TMEM108: variants seen among roughly 807,000 people sequenced by gnomAD.
The protein encoded by TMEM108 is transmembrane protein 108, also known as cancer/testis antigen 124.
In TMEM108, 12 loss-of-function variants were observed where a neutral mutation model predicts 35.1. The ratio of observed to expected loss-of-function variants is 0.34; its 90% confidence interval spans 0.22 to 0.55. The LOEUF is 0.55. TMEM108 is among the 20% of genes least tolerant of loss of function. The pLI, the probability that TMEM108 is intolerant of heterozygous loss-of-function variation, is 0.89. For missense variants in TMEM108, 680 were observed against 753.3 expected, an observed-to-expected ratio of 0.90 and a Z score of 1.14; for synonymous variants, 287 against 308.6, an observed-to-expected ratio of 0.93 and a Z score of 0.73.
intron 3 of TMEM108, among the ~76,000 whole-genome samples, chr3:133,353,802 T>C (rs1275364074): frequency 6.6e-6 from 1 of 152,162 alleles, no homozygotes; most frequent in Non-Finnish European, 1.5e-5. Context: ...TTGTTCAGGC[T>C]CTCCCTTTCA....
At chr3:133,213,318 CA>C (rs954048050) in intron 2 of TMEM108, among the ~76,000 whole-genome samples, 2 of 152,158 alleles carry the variant, frequency 1.3e-5, no homozygotes, top group Non-Finnish European at 2.9e-5. Context: ...GTATCAGCCC[CA>C]TTTAAAAATG....
chr3:133,108,013 C>A (rs768726401), intron 2 of TMEM108, among the ~76,000 whole-genome samples: 4 of 152,124 alleles, frequency 2.6e-5, no homozygotes, highest in Non-Finnish European at 5.9e-5. Context: ...GGGTGGATCA[C>A]TTGAGGTCAG....
intron 3 of TMEM108, among the ~76,000 whole-genome samples, chr3:133,312,083 G>T (rs903893857): frequency 6.6e-5 from 10 of 152,234 alleles, no homozygotes; most frequent in Admixed American, 2.0e-4. Flanking sequence ...AAATATTGCT[G>T]CCTGATCCTT....
intron 3 of TMEM108, among the ~76,000 whole-genome samples, chr3:133,268,874 T>A (rs1026845052): frequency 6.6e-6 from 1 of 152,230 alleles, no homozygotes; most frequent in African/African-American, 2.4e-5. Context: ...CTGGAAAATA[T>A]CCTGATTTCC....
chr3:133,197,400 G>A (rs186167378), intron 2 of TMEM108, among the ~76,000 whole-genome samples: 1 of 152,198 alleles, frequency 6.6e-6, no homozygotes, highest in East Asian at 1.9e-4. Context: ...AAAAGGAATG[G>A]CCAACATAGG....
chr3:133,360,677 C>A (rs2072319699), intron 3 of TMEM108, among the ~76,000 whole-genome samples: 1 of 152,228 alleles, frequency 6.6e-6, no homozygotes, highest in Non-Finnish European at 1.5e-5. Flanking sequence ...TTTTTGTGCG[C>A]TGTCTCTGAT....
chr3:133,169,649 T>G (rs967641459), intron 2 of TMEM108, among the ~76,000 whole-genome samples: 1 of 152,190 alleles, frequency 6.6e-6, no homozygotes, highest in Non-Finnish European at 1.5e-5. Flanking sequence ...ACTCCAGATT[T>G]ATTATAACCG....
Position 133,274,683 on chromosome 3 carries a change from G to A in TMEM108, c.40+45332G>A, listed in dbSNP as rs369355362. On this transcript the variant is annotated intron_variant, in intron 3 of 5. Transcript: ENST00000321871. ...CTCCTGTAGGAGAGCTGTAGTTACT[G>A]CTGAACAAATGACAACCTGCCCACT... 9.8e-5 allele frequency among the ~76,000 whole-genome samples: 15 copies of A among 152,318 alleles called. No individual in the cohort carries two copies. The East Asian group carries it at 1.9e-3, about 20-fold the overall frequency.
chr3:133,117,944 G>A (rs1944307641), intron 2 of TMEM108, among the ~76,000 whole-genome samples: 2 of 152,120 alleles, frequency 1.3e-5, no homozygotes. Flanking sequence ...AGAGAGGCGG[G>A]AAGCTGTTTT....
At chr3:133,190,095 G>GA (rs11434501) in intron 2 of TMEM108, among the ~76,000 whole-genome samples, 59,069 of 150,018 alleles carry the variant, frequency 0.39, 12,139 homozygotes, top group Middle Eastern at 0.5. Context: ...GCACTGCAAG[G>GA]AAAAAAAAAA....
chr3:133,103,855 A>G (rs1038590506), intron 2 of TMEM108, among the ~76,000 whole-genome samples: 1 of 152,220 alleles, frequency 6.6e-6, no homozygotes, highest in Non-Finnish European at 1.5e-5. Context: ...TTTCTCATCT[A>G]TAAAATGGAG....
rs746780009 is a variant in TMEM108, at chr3:133,379,984, C to T, written c.273C>T (p.His91=). ...CACCGACACCCCGTGCAGAGGGGCA[C>T]CCTCCTACGCACACCATCTCCACCA... The part of the protein sequence containing the change: ...MATPTPRAEG[H]PPTHTISTIA... Residue 91 remains histidine (H), a synonymous_variant, in exon 4 of 6, where the codon CAC becomes CAT. Transcript: ENST00000321871. 4 of 1,613,864 alleles carry T rather than the reference C, an allele frequency of 2.5e-6. No individual in the cohort carries two copies. In the South Asian group the frequency reaches 4.4e-5, roughly 18 times the overall value.
intron 2 of TMEM108, among the ~76,000 whole-genome samples, chr3:133,064,257 G>A (rs1223598913): frequency 6.6e-6 from 1 of 152,126 alleles, no homozygotes; most frequent in African/African-American, 2.4e-5. Flanking sequence ...CATAGTACAA[G>A]CCAAAAGAAA....
At position 133,190,180 on chromosome 3, in the gene TMEM108, G is replaced by A. The variant is rs572929013; in HGVS notation, c.-46-39086G>A. On this transcript the variant is annotated intron_variant, in intron 2 of 5. Coordinates refer to ENST00000321871, the MANE Select transcript of TMEM108 (RefSeq NM_023943.4). ...GAAATTATTTTTTCTCTGTTTTTAA[G>A]AATTGCAATTTTGTGAATGTGGAAG... 8.5e-5 allele frequency among the ~76,000 whole-genome samples: 13 copies of A among 152,244 alleles called. No homozygotes were observed. The East Asian group carries it at 2.3e-3, about 27-fold the overall frequency.
intron 2 of TMEM108, among the ~76,000 whole-genome samples, chr3:133,164,560 CT>C (rs775166815): frequency 3.9e-5 from 6 of 152,180 alleles, no homozygotes; most frequent in African/African-American, 7.2e-5. Flanking sequence ...ACTCTGGCAT[CT>C]TACTGTCCAC....
intron 2 of TMEM108, among the ~76,000 whole-genome samples, chr3:133,179,777 G>C (rs138652972): frequency 0.06 from 9,119 of 151,706 alleles, 332 homozygotes; most frequent in Non-Finnish European, 0.091. Flanking sequence ...TGCATGTTGT[G>C]CACATGTACC....
intron 2 of TMEM108, among the ~76,000 whole-genome samples, chr3:133,098,986 G>C (rs566572412): frequency 2.0e-5 from 3 of 152,182 alleles, no homozygotes; most frequent in Non-Finnish European, 2.9e-5. Flanking sequence ...GCCTACAGTA[G>C]GGACTCTGTG....
intron 2 of TMEM108, among the ~76,000 whole-genome samples, chr3:133,129,174 G>T (rs1460560031): frequency 6.6e-6 from 1 of 152,018 alleles, no homozygotes; most frequent in Admixed American, 6.6e-5. Context: ...GTGAAACCCT[G>T]TCTACCAAAA....
intron 2 of TMEM108, among the ~76,000 whole-genome samples, chr3:133,205,737 C>T (rs1024720372): frequency 3.9e-5 from 6 of 152,144 alleles, no homozygotes; most frequent in Non-Finnish European, 8.8e-5. Flanking sequence ...CACATTTTTT[C>T]ATTCTTTTCA....
Sources: gnomAD v4.1 joint callset for allele counts (sites outside exome capture counted in the v4.1 genomes callset) on GRCh38, gnomAD v4.1.1 for gene constraint, MANE v1.5 for transcripts, NCBI Gene and HGNC (gene_info 2026-07-23, HGNC 2026-07-21) for gene names.